Variants in LOC400499 observed in about 807,000 individuals in gnomAD.
At chr16:11,435,377 G>A in the LOC400499 span, among the ~76,000 whole-genome samples, 2 of 152,150 alleles carry the variant, frequency 1.3e-5, no homozygotes, top group Non-Finnish European at 2.9e-5. Flanking sequence ...GCCTCCCAAA[G>A]CCCTGGGGTA....
chr16:11,518,849 A>G, the LOC400499 span: 6 of 398,950 alleles, frequency 1.5e-5, no homozygotes, highest in Non-Finnish European at 2.7e-5. Context: ...GAGGGCTCAC[A>G]GCTCCAGCCC....
At chr16:11,437,142 T>G in the LOC400499 span, among the ~76,000 whole-genome samples, 1 of 152,138 alleles carries the variant, frequency 6.6e-6, no homozygotes, top group African/African-American at 2.4e-5. Flanking sequence ...TGATCAGTGG[T>G]TGCCAGGGGG....
At chr16:11,397,679 G>T in the LOC400499 span, among the ~76,000 whole-genome samples, 1 of 151,142 alleles carries the variant, frequency 6.6e-6, no homozygotes, top group Admixed American at 6.6e-5. Context: ...GAGACTGGAT[G>T]GTTCATAAAG....
At chr16:11,451,849 C>T in the LOC400499 span, among the ~76,000 whole-genome samples, 4 of 152,240 alleles carry the variant, frequency 2.6e-5, 1 homozygote, top group South Asian at 4.2e-4. Context: ...GGAGGAGCCG[C>T]GGAGTTGAGA....
chr16:11,383,604 C>T, the LOC400499 span: 2 of 1,232,284 alleles, frequency 1.6e-6, no homozygotes, highest in Admixed American at 4.2e-5. Flanking sequence ...AGGCAGATGC[C>T]AGACGGGGCA....
At chr16:11,494,366 G>A in the LOC400499 span, among the ~76,000 whole-genome samples, 1 of 149,824 alleles carries the variant, frequency 6.7e-6, no homozygotes, top group African/African-American at 2.5e-5. Context: ...AGTGGTGTGG[G>A]GGGGGCAGTG....
chr16:11,404,723 G>A, the LOC400499 span: 73,823 of 398,804 alleles, frequency 0.19, 7,755 homozygotes, highest in Admixed American at 0.4. Context: ...TGAGGTTCCT[G>A]GTGGGCTTGG....
At chr16:11,443,961 G>A in the LOC400499 span, among the ~76,000 whole-genome samples, 29 of 152,044 alleles carry the variant, frequency 1.9e-4, no homozygotes, top group African/African-American at 7.0e-4. Flanking sequence ...AAGCCTCCGG[G>A]GTAGCTGGGA....
the LOC400499 span, among the ~76,000 whole-genome samples, chr16:11,484,161 C>G: frequency 1.6e-4 from 25 of 151,968 alleles, no homozygotes; most frequent in Non-Finnish European, 3.4e-4. Context: ...GCACCCACCA[C>G]CACGCCTGGC....
the LOC400499 span, among the ~76,000 whole-genome samples, chr16:11,481,943 A>C: frequency 6.6e-6 from 1 of 152,152 alleles, no homozygotes; most frequent in African/African-American, 2.4e-5. Flanking sequence ...CCAATTGCTC[A>C]CGTTAAAATG....
At chr16:11,396,350 A>T in the LOC400499 span, 4 of 679,320 alleles carry the variant, frequency 5.9e-6, no homozygotes, top group Non-Finnish European at 8.3e-6. Context: ...CCGACCCAGA[A>T]TGAAGCTCTG....
At chr16:11,374,281 C>T in the LOC400499 span, among the ~76,000 whole-genome samples, 3 of 152,078 alleles carry the variant, frequency 2.0e-5, no homozygotes, top group Admixed American at 6.6e-5. Flanking sequence ...TGTTTATCAT[C>T]GTATCACCAT....
the LOC400499 span, chr16:11,450,673 C>T: frequency 6.5e-7 from 1 of 1,536,192 alleles, no homozygotes; most frequent in East Asian, 2.4e-5. Context: ...GCCCTGACTC[C>T]TGCAGCCCAC....
chr16:11,520,248 T>TA, the LOC400499 span, among the ~76,000 whole-genome samples: 1 of 152,198 alleles, frequency 6.6e-6, no homozygotes, highest in African/African-American at 2.4e-5. Context: ...TATTCCATAT[T>TA]ATATTTTAAT....
the LOC400499 span, chr16:11,385,228 G>C: frequency 3.2e-6 from 4 of 1,232,202 alleles, no homozygotes; most frequent in African/African-American, 6.2e-5. Context: ...CTGGGGTAGA[G>C]GATGAGGGTC....
the LOC400499 span, among the ~76,000 whole-genome samples, chr16:11,413,849 T>C: frequency 6.6e-6 from 1 of 152,204 alleles, no homozygotes; most frequent in African/African-American, 2.4e-5. Context: ...GTTTTGCAGA[T>C]GAGGAGATGA....
the LOC400499 span, among the ~76,000 whole-genome samples, chr16:11,505,245 CT>C: frequency 6.6e-6 from 1 of 151,744 alleles, no homozygotes; most frequent in Non-Finnish European, 1.5e-5. Flanking sequence ...CTTGCAATTG[CT>C]AAGGACAGAC....
At chr16:11,517,451 C>A in the LOC400499 span, among the ~76,000 whole-genome samples, 1 of 152,182 alleles carries the variant, frequency 6.6e-6, no homozygotes, top group East Asian at 1.9e-4. Context: ...CAGATCCCAC[C>A]AGGGAGGTAA....
At chr16:11,406,432 T>G in the LOC400499 span, among the ~76,000 whole-genome samples, 2 of 152,188 alleles carry the variant, frequency 1.3e-5, no homozygotes, top group Non-Finnish European at 2.9e-5. Flanking sequence ...GAGATTTCTT[T>G]TTTCTTTTCT....
Sources: gnomAD v4.1 joint callset for allele counts (sites outside exome capture counted in the v4.1 genomes callset) on GRCh38, gnomAD v4.1.1 for gene constraint, MANE v1.5 for transcripts.